SND1: variants seen among roughly 807,000 people sequenced by gnomAD.
SND1 encodes the protein staphylococcal nuclease domain-containing protein 1.
In SND1, 38 loss-of-function variants were observed where a neutral mutation model predicts 121.7. The observed-to-expected ratio is 0.31, with a 90% CI of 0.24 to 0.41. The LOEUF (loss-of-function observed/expected upper bound fraction) is 0.41. SND1 is among the 10% of genes least tolerant of loss of function. The pLI, the probability that SND1 is intolerant of heterozygous loss-of-function variation, is 1.00. For synonymous variants in SND1, 401 were observed against 447.4 expected, an observed-to-expected ratio of 0.90 and a Z score of 1.31; for missense variants, 868 against 1,184.6, an observed-to-expected ratio of 0.73 and a Z score of 3.92.
At chr7:127,738,206 A>C (rs1796813182) in intron 10 of SND1, among the ~76,000 whole-genome samples, 1 of 150,708 alleles carries the variant, frequency 6.6e-6, no homozygotes, top group Admixed American at 6.6e-5. Context: ...TGGTAGGTAC[A>C]TTGATTACTC....
At chr7:127,874,238 G>A (rs1206690521) in intron 12 of SND1, among the ~76,000 whole-genome samples, 1 of 152,120 alleles carries the variant, frequency 6.6e-6, no homozygotes, top group Non-Finnish European at 1.5e-5. Flanking sequence ...ATCTTCTGTG[G>A]TGTACAGCTT....
At chr7:127,665,916 A>G (rs806168) in intron 1 of SND1, among the ~76,000 whole-genome samples, 8,491 of 152,256 alleles carry the variant, frequency 0.056, 684 homozygotes, top group African/African-American at 0.18. Context: ...GGTGCATTCT[A>G]TTCCTCCCGG....
At chr7:127,749,157 C>A (rs931571285) in intron 10 of SND1, among the ~76,000 whole-genome samples, 1 of 151,550 alleles carries the variant, frequency 6.6e-6, no homozygotes, top group Non-Finnish European at 1.5e-5. Context: ...CGTCAGCCTC[C>A]CAACTAGCTG....
chr7:127,762,256 G>T (rs1050516005), intron 10 of SND1, among the ~76,000 whole-genome samples: 4 of 152,178 alleles, frequency 2.6e-5, no homozygotes, highest in Non-Finnish European at 5.9e-5. Context: ...GACTCAATGG[G>T]TTATACAACA....
chr7:127,925,910 T>G (rs1800822562), intron 14 of SND1, among the ~76,000 whole-genome samples: 1 of 151,916 alleles, frequency 6.6e-6, no homozygotes, highest in South Asian at 2.1e-4. Context: ...TTTTTTTCTT[T>G]TTTCTTTTTT....
intron 14 of SND1, among the ~76,000 whole-genome samples, chr7:127,908,134 G>A (rs1800376946): frequency 6.6e-6 from 1 of 152,050 alleles, no homozygotes; most frequent in Non-Finnish European, 1.5e-5. Context: ...TGAACCCCCA[G>A]TTTGTCTAGG....
Position 127,665,476 on chromosome 7 carries a change from C to T in SND1, c.78+13025C>T, listed in dbSNP as rs1018213093. Among the ~76,000 whole-genome samples, 4 of 152,172 alleles carry T rather than the reference C, an allele frequency of 2.6e-5. No individual in the cohort carries two copies. The East Asian group carries it at 5.8e-4, about 22-fold the overall frequency. On this transcript the variant is annotated intron_variant, in intron 1 of 23. Coordinates refer to ENST00000354725, the MANE Select transcript of SND1 (RefSeq NM_014390.4). The stretch of plus-strand genomic sequence containing the variant: ...TGCTGGGATTACAGGCGTGAGACAC[C>T]GCGCCCGGCCGACAGTCAACAATTT...
chr7:127,782,817 C>A (rs951611048), intron 10 of SND1, among the ~76,000 whole-genome samples: 4 of 152,188 alleles, frequency 2.6e-5, no homozygotes, highest in Admixed American at 6.5e-5. Context: ...TCACCACTGA[C>A]CTTTTCCAGT....
intron 16 of SND1, chr7:128,000,077 T>TG (rs1554454238): frequency 9.7e-6 from 1 of 103,190 alleles, no homozygotes; most frequent in African/African-American, 3.7e-5. Flanking sequence ...GAGTGTTCTC[T>TG]AAAAAAAAAA....
At chr7:127,662,239 C>T (rs993943449) in intron 1 of SND1, among the ~76,000 whole-genome samples, 1 of 152,206 alleles carries the variant, frequency 6.6e-6, no homozygotes, top group African/African-American at 2.4e-5. Context: ...GATACACACC[C>T]TCTCCTCCTT....
intron 13 of SND1, among the ~76,000 whole-genome samples, chr7:127,889,393 A>T (rs968622188): frequency 1.3e-5 from 2 of 151,770 alleles, no homozygotes; most frequent in African/African-American, 2.4e-5. Flanking sequence ...TTGTGAGTAT[A>T]TAACAGATGT....
chr7:128,060,722 C>T (rs1021349939), intron 16 of SND1, among the ~76,000 whole-genome samples: 1 of 152,142 alleles, frequency 6.6e-6, no homozygotes, highest in South Asian at 2.1e-4. Context: ...AAGCTTTTTC[C>T]GAGGGCACTG....
intron 16 of SND1, among the ~76,000 whole-genome samples, chr7:128,032,371 G>A (rs1247156360): frequency 2.6e-5 from 4 of 151,444 alleles, no homozygotes; most frequent in African/African-American, 4.8e-5. Context: ...AGCGGAGCGG[G>A]GCCAGGGCGA....
intron 10 of SND1, among the ~76,000 whole-genome samples, chr7:127,732,070 C>G (rs1796687187): frequency 6.6e-6 from 1 of 152,204 alleles, no homozygotes; most frequent in Non-Finnish European, 1.5e-5. Flanking sequence ...TGTGCCCACC[C>G]CAGAGATGGT....
chr7:127,746,733 A>G (rs1200845803), intron 10 of SND1, among the ~76,000 whole-genome samples: 2 of 152,166 alleles, frequency 1.3e-5, no homozygotes, highest in Non-Finnish European at 2.9e-5. Context: ...GTCTTAGGCT[A>G]GAAAACTGAT....
chr7:127,947,806 A>G (rs1801361894), intron 15 of SND1, among the ~76,000 whole-genome samples: 1 of 152,150 alleles, frequency 6.6e-6, no homozygotes, highest in Non-Finnish European at 1.5e-5. Flanking sequence ...CTCATTGATT[A>G]TGTCTCTTTT....
intron 16 of SND1, among the ~76,000 whole-genome samples, chr7:128,046,365 G>GT (rs373853260): frequency 0.055 from 6,329 of 115,248 alleles, 335 homozygotes; most frequent in African/African-American, 0.082. Flanking sequence ...TTGTTGTTGT[G>GT]TTTTTTTTTT....
At chr7:127,846,647 C>G (rs547147607) in intron 12 of SND1, among the ~76,000 whole-genome samples, 2 of 152,278 alleles carry the variant, frequency 1.3e-5, no homozygotes, top group South Asian at 4.1e-4. Context: ...TGAAGCATAA[C>G]TTGGATGTTA....
In SND1 at chr7:127,704,906, T is replaced by A; in HGVS notation, c.908T>A (p.Val303Asp). ...FARCVDWSIA[V>D]YTRGAEKLRA... The stretch of plus-strand genomic sequence containing the variant: ...CGCTGTGTGGACTGGTCGATTGCAG[T>A]TTACACCCGGGGCGCAGAAAAGCTG... Residue 303 changes from valine to aspartate, a missense_variant, in exon 8 of 24, where the codon GTT (valine) becomes GAT (aspartate). Val to Asp is a radical substitution (Grantham distance 152, BLOSUM62 -3). Transcript: ENST00000354725. 1 of 1,614,060 alleles carries A rather than the reference T, an allele frequency of 6.2e-7. No homozygotes were observed. Among genetic ancestry groups the A allele is most frequent in the Non-Finnish European group, 8.5e-7 (1 of 1,179,960 alleles).
Sources: gnomAD v4.1 joint callset for allele counts (sites outside exome capture counted in the v4.1 genomes callset) on GRCh38, gnomAD v4.1.1 for gene constraint, MANE v1.5 for transcripts, NCBI Gene and HGNC (gene_info 2026-07-23, HGNC 2026-07-21) for gene names.